The following PCDHGB7 variants were observed in gnomAD, a reference collection of about 807,000 sequenced individuals.
The protein encoded by PCDHGB7 is protocadherin gamma subfamily B, 7, also known as protocadherin gamma-B7.
A neutral mutation model predicts 61.4 loss-of-function variants in PCDHGB7; 37 were observed. The ratio of observed to expected loss-of-function variants is 0.60; its 90% CI spans 0.46 to 0.79. The LOEUF is 0.79. Among genes scored for constraint, PCDHGB7 ranks in the 30% least tolerant of loss-of-function variants. The probability of loss-of-function intolerance (pLI) is 0.00; values close to 1 mark genes in which losing one functional copy is unlikely to be tolerated. For missense variants in PCDHGB7, 1,166 were observed against 1,202.5 expected, an observed-to-expected ratio of 0.97 and a Z score of 0.45; for synonymous variants, 464 against 503.5, an observed-to-expected ratio of 0.92 and a Z score of 1.05.
rs766987131 is a variant in PCDHGB7, at chr5:141,418,551, T to A, written c.692T>A (p.Leu231Gln). 1.2e-6 allele frequency: 2 copies of A among 1,614,026 alleles called. No homozygotes were observed. Among genetic ancestry groups the A allele is most frequent in the South Asian group, 2.2e-5 (2 of 91,076 alleles). ...AGCGGTACTGCTCAGATAAGAATCC[T>A]GGTAATAGATGCCAATGACAACCCC... ...PRSGTAQIRI[L>Q]VIDANDNPPV... is the part of the protein sequence containing the mutation. The change falls in exon 1 of 4, where the codon CTG (leucine) becomes CAG (glutamine). Residue 231 changes from leucine to glutamine, a missense_variant. By Grantham distance (113) the Leu-to-Gln change is moderately radical. Coordinates refer to ENST00000398594, the MANE Select transcript of PCDHGB7 (RefSeq NM_018927.4).
At chr5:141,509,544 A>AT (rs1312201678) in intron 3 of PCDHGB7, among the ~76,000 whole-genome samples, 1 of 152,150 alleles carries the variant, frequency 6.6e-6, no homozygotes, top group Non-Finnish European at 1.5e-5. Context: ...GCACCATCTC[A>AT]TTTAGTCCTC....
chr5:141,422,239 G>C (rs2096636040), intron 1 of PCDHGB7: 3 of 1,566,586 alleles, frequency 1.9e-6, no homozygotes, highest in East Asian at 4.5e-5. Context: ...GTTGATCACT[G>C]TTGTGGATGT....
rs757423030 is a variant in PCDHGB7 at position 141,419,602 on chromosome 5, C to T, written c.1743C>T (p.Ala581=). Residue 581 remains alanine, a synonymous_variant, in exon 1 of 4, where the codon GCC becomes GCT. Transcript: ENST00000398594. ...CGCTCTTCGACACAGTGCCGCGGGC[C>T]GCGCAGCCAGGCTACCTGGTGACCA... ...GSALFDTVPR[A]AQPGYLVTKV... is the part of the protein sequence containing the mutation. The T allele has an allele frequency of 6.2e-7, 1 of 1,611,874 alleles. No homozygotes were observed. Among genetic ancestry groups the T allele is most frequent in the Admixed American group, 1.7e-5 (1 of 59,986 alleles).
At chr5:141,472,176 G>C (rs1416695177) in intron 1 of PCDHGB7, among the ~76,000 whole-genome samples, 3 of 152,144 alleles carry the variant, frequency 2.0e-5, no homozygotes, top group Non-Finnish European at 2.9e-5. Context: ...GTAATATCCA[G>C]TATTGGAATT....
At chr5:141,427,946 T>A (rs769401863) in intron 1 of PCDHGB7, 1 of 1,586,550 alleles carries the variant, frequency 6.3e-7, no homozygotes, top group Middle Eastern at 1.7e-4. Flanking sequence ...GCGACCTCAA[T>A]GACAATGTGC....
At chr5:141,478,339 C>A in intron 1 of PCDHGB7, 1 of 1,613,918 alleles carries the variant, frequency 6.2e-7, no homozygotes, top group Admixed American at 1.7e-5. Flanking sequence ...CAGGGCCCTC[C>A]TTGCACGCGG....
chr5:141,431,093 G>A lies in PCDHGB7; in HGVS notation c.2415+10819G>A. 6.2e-7 allele frequency: 1 copy of A among 1,614,250 alleles called. No individual in the cohort carries two copies. The highest frequency in any genetic ancestry group is 8.5e-7 in the Non-Finnish European group (1 of 1,180,032). On this transcript the variant is annotated intron_variant, in intron 1 of 3. Transcript: ENST00000398594. The surrounding 1 kb of genome is among the most constrained non-coding windows in gnomAD (Gnocchi z 4.8). Reference sequence around the variant, plus strand: ...ATTAAATCTAGACATTCTGATGGAGGATAAAGTGAAAATATATGGAGTAGA... The same window carrying A: ...ATTAAATCTAGACATTCTGATGGAGAATAAAGTGAAAATATATGGAGTAGA...
rs911465424 is a variant in PCDHGB7 at position 141,449,724 on chromosome 5, AT to A, written c.2415+29457del. ...AAACACATTATTTTTATATGATATG[AT>A]TTTTTTATGACATGATTATTTTTAT... On this transcript the variant is annotated intron_variant, in intron 1 of 3. Coordinates refer to ENST00000398594, the MANE Select transcript of PCDHGB7 (RefSeq NM_018927.4). 1.2e-4 allele frequency among the ~76,000 whole-genome samples: 18 copies of A among 151,282 alleles called. No homozygotes were observed. The South Asian group carries it at 1.9e-3, about 16-fold the overall frequency.
chr5:141,423,237 C>T (rs761825236), intron 1 of PCDHGB7: 74 of 1,613,798 alleles, frequency 4.6e-5, no homozygotes, highest in Middle Eastern at 3.3e-4. Flanking sequence ...ACAGCATCCC[C>T]GAAGTCCTGG....
At chr5:141,456,700 C>T (rs1420857227) in intron 1 of PCDHGB7, among the ~76,000 whole-genome samples, 1 of 152,060 alleles carries the variant, frequency 6.6e-6, no homozygotes, top group Admixed American at 6.6e-5. Flanking sequence ...CGTGGTGGCT[C>T]GCGCCTGTAA....
chr5:141,454,081 T>C (rs1009599234), intron 1 of PCDHGB7, among the ~76,000 whole-genome samples: 2 of 152,198 alleles, frequency 1.3e-5, no homozygotes, highest in African/African-American at 4.8e-5. Flanking sequence ...ATGTTTTCAG[T>C]GAAATTTGAA....
Position 141,429,387 on chromosome 5 carries a change from TAAA to T in PCDHGB7, c.2415+9119_2415+9121del, listed in dbSNP as rs11410533. Among the ~76,000 whole-genome samples, 27 of 151,446 alleles carry T rather than the reference TAAA, an allele frequency of 1.8e-4. No homozygotes were observed. In the East Asian group the frequency reaches 1.9e-3, roughly 11 times the overall value. ...AAATGGAGAAAATGTGTTTTTTTTTTAAAAAAAATTGAGATTAAGGTCTCATTA... is the reference window on the plus strand; with the variant it reads ...AAATGGAGAAAATGTGTTTTTTTTTTAAAAATTGAGATTAAGGTCTCATTA... On this transcript the variant is annotated intron_variant, in intron 1 of 3. Coordinates refer to ENST00000398594, the MANE Select transcript of PCDHGB7 (RefSeq NM_018927.4).
At chr5:141,465,945 AC>A (rs761290693) in intron 1 of PCDHGB7, among the ~76,000 whole-genome samples, 7 of 151,958 alleles carry the variant, frequency 4.6e-5, no homozygotes, top group Non-Finnish European at 5.9e-5. Context: ...ACATGGTGAA[AC>A]CCCATCTCTA....
chr5:141,439,441 T>C (rs2098112892), intron 1 of PCDHGB7, among the ~76,000 whole-genome samples: 2 of 152,348 alleles, frequency 1.3e-5, no homozygotes, highest in South Asian at 4.1e-4. Context: ...GAATATTTTA[T>C]TGCGGGAGCA....
chr5:141,470,037 G>A lies in PCDHGB7; in HGVS notation c.2416-24770G>A, dbSNP rs76537989. Among the ~76,000 whole-genome samples the A allele has an allele frequency of 2.3e-3, 347 of 152,258 alleles. 6 individuals are homozygous for A. The East Asian group carries it at 0.048, about 21-fold the overall frequency. On this transcript the variant is annotated intron_variant, in intron 1 of 3. Transcript: ENST00000398594. ...CCAGCTACTCGGGATGCTGAGGCGC[G>A]AGAACTGTTTGAACCCCGGAGGCAG...
chr5:141,490,345 G>GT lies in PCDHGB7; in HGVS notation c.2416-4461dup, dbSNP rs1363310763. The GT allele has an allele frequency of 6.2e-7, 1 of 1,614,216 alleles. No individual in the cohort carries two copies. The highest frequency in any genetic ancestry group is 2.2e-5 in the East Asian group (1 of 44,886). ...AGAGAGCACACCAGTGGGCACAGTAGTGGGGTTGTTTAATGTGCGAGACCG... is the reference window on the plus strand; with the variant it reads ...AGAGAGCACACCAGTGGGCACAGTAGTTGGGGTTGTTTAATGTGCGAGACCG... On this transcript the variant is annotated intron_variant, in intron 1 of 3. Transcript: ENST00000398594. This position sits in a 1 kb window ranked among gnomAD's most constrained non-coding sequence, Gnocchi z 5.4.
At chr5:141,483,291 A>T (rs767446911) in intron 1 of PCDHGB7, among the ~76,000 whole-genome samples, 4 of 152,126 alleles carry the variant, frequency 2.6e-5, no homozygotes, top group African/African-American at 4.8e-5. Flanking sequence ...TGTCAGTCAT[A>T]AGTGAAGGGA....
At chr5:141,510,917 C>G in intron 3 of PCDHGB7, 30 bp from the exon 4 acceptor site, 1 of 1,613,854 alleles carries the variant, frequency 6.2e-7, no homozygotes, top group Non-Finnish European at 8.5e-7. Flanking sequence ...CTAAGTTTAG[C>G]TCCCACCTGA....
At chr5:141,479,241 G>T (rs2099490987) in intron 1 of PCDHGB7, 1 of 152,174 alleles carries the variant, frequency 6.6e-6, no homozygotes, top group Admixed American at 6.5e-5. Context: ...CAAACCCAAA[G>T]ATAACCATTT....
Sources: gnomAD v4.1 joint callset for allele counts (sites outside exome capture counted in the v4.1 genomes callset) on GRCh38, gnomAD v4.1.1 for gene constraint, Gnocchi (gnomAD v3.1) non-coding constraint, MANE v1.5 for transcripts, NCBI Gene and HGNC (gene_info 2026-07-23, HGNC 2026-07-21) for gene names.